Variants in RGS12 observed in about 807,000 individuals in gnomAD.
RGS12 encodes regulator of G protein signaling 12.
A neutral mutation model predicts 120.1 loss-of-function variants in RGS12; 66 were observed. That is an observed-to-expected ratio of 0.55 (90% CI 0.45 to 0.67). RGS12 has a LOEUF of 0.67. Ranked by LOEUF, RGS12 falls within the 30% of genes least tolerant of loss-of-function variation. The pLI, the probability that RGS12 is intolerant of heterozygous loss-of-function variation, is 0.00. For missense variants in RGS12, 1,859 were observed against 1,957.7 expected (o/e 0.95, Z 0.95); for synonymous variants, 827 against 804.7 (o/e 1.03, Z -0.47).
rs917005366 is a variant in RGS12 at position 3,356,967 on chromosome 4, G to A, written c.1998+13914G>A. Among the ~76,000 whole-genome samples, 45 of 152,100 alleles carry A rather than the reference G, an allele frequency of 3.0e-4. 1 individual carries two copies. Among genetic ancestry groups the A allele is most frequent in the Non-Finnish European group, 4.7e-4 (32 of 68,018 alleles). ...TATTTTTAATTTTTGAGGAACCACC[G>A]TACTGTTTTCCATAGTGGCTGCACC... On this transcript the variant is annotated intron_variant, in intron 3 of 17. Coordinates refer to ENST00000336727, the MANE Select transcript of RGS12 (RefSeq NM_001394154.1).
intron 3 of RGS12, chr4:3,369,874 G>A: frequency 3.2e-6 from 1 of 314,938 alleles, no homozygotes. Context: ...TGCATGTGGA[G>A]GCTTAGAATA....
chr4:3,323,123 C>T (rs918793760), intron 2 of RGS12, among the ~76,000 whole-genome samples: 2 of 152,220 alleles, frequency 1.3e-5, no homozygotes, highest in African/African-American at 2.4e-5. Flanking sequence ...CAGGGTGGCG[C>T]GTGCCCCTCG....
Position 3,425,536 on chromosome 4 carries a change from G to T in RGS12, c.3307G>T (p.Glu1103Ter). 1 of 1,611,020 alleles carries T rather than the reference G, an allele frequency of 6.2e-7. No homozygotes were observed. Among genetic ancestry groups the T allele is most frequent in the Non-Finnish European group, 8.5e-7 (1 of 1,179,452 alleles). Reference sequence around the variant, plus strand: ...GGACGGACAGCGGGTTGTCTTGGAGGAGAAGGATCCTTCCAGAGGAAAGGG... The same window carrying T: ...GGACGGACAGCGGGTTGTCTTGGAGTAGAAGGATCCTTCCAGAGGAAAGGG... Reference protein sequence around the residue: ...SLDGQRVVLEEKDPSRGKASA... With the variant: ...SLDGQRVVLE Residue 1103 changes from glutamate to a stop codon, truncating the protein, a stop_gained, in exon 14 of 18, where the codon GAG becomes TAG. Transcript: ENST00000336727. LOFTEE classifies it high-confidence loss of function.
chr4:3,375,018 G>A (rs1027205200), intron 3 of RGS12, among the ~76,000 whole-genome samples: 8 of 152,172 alleles, frequency 5.3e-5, no homozygotes, highest in South Asian at 2.1e-4. Flanking sequence ...GCCATGCACC[G>A]CCTGTCCCTG....
chr4:3,317,786 C>A lies in RGS12; in HGVS notation c.1616C>A (p.Pro539Gln), dbSNP rs760422329. The change falls in exon 2 of 18, where the codon CCG becomes CAG. Residue 539 changes from proline to glutamine, a missense_variant. Coordinates refer to ENST00000336727, the MANE Select transcript of RGS12 (RefSeq NM_001394154.1). Reference protein sequence around the residue: ...AGCGFNQRWLPVHVLREWQCG... With the variant: ...AGCGFNQRWLQVHVLREWQCG... ...TGTGGTTTCAACCAGCGCTGGCTCC[C>A]GGTCCACGTGCTCCGGGAGTGGCAG... is the stretch of plus-strand genomic sequence containing the variant. 1 of 1,613,306 alleles carries A rather than the reference C, an allele frequency of 6.2e-7. No homozygotes were observed. Among genetic ancestry groups the A allele is most frequent in the Non-Finnish European group, 8.5e-7 (1 of 1,179,936 alleles).
chr4:3,425,655 G>A lies in RGS12; in HGVS notation c.3331+95G>A, dbSNP rs1723543696. On this transcript the variant is annotated intron_variant, in intron 14 of 17. Transcript: ENST00000336727. The stretch of plus-strand genomic sequence containing the variant: ...CCGGTGCAGGGGAGGGGGTGAGTGG[G>A]GCCAGTGCAGGGGAGGGGCAGGTGG... The A allele has an allele frequency of 1.2e-5, 7 of 596,978 alleles. No homozygotes were observed. In the South Asian group the frequency reaches 1.3e-4, roughly 11 times the overall value. The allele number at this position is 596,978 out of a possible 1,614,324, so 37.0% of individuals were successfully genotyped here. A position where few individuals can be genotyped will look rare whatever the true frequency, so the allele number is the denominator to read the frequency against.
At position 3,407,938 on chromosome 4, in the gene RGS12, C is replaced by T. The variant is rs556560751; in HGVS notation, c.2021-6134C>T. On this transcript the variant is annotated intron_variant, in intron 4 of 17. Coordinates refer to ENST00000336727, the MANE Select transcript of RGS12 (RefSeq NM_001394154.1). ...TAAACAGACTTTAAACTCTTTTTCACCAGGAAAGCATTTCTTTGACTCAGA... is the reference window on the plus strand; with the variant it reads ...TAAACAGACTTTAAACTCTTTTTCATCAGGAAAGCATTTCTTTGACTCAGA... Among the ~76,000 whole-genome samples, 4 of 152,318 alleles carry T rather than the reference C, an allele frequency of 2.6e-5. No homozygotes were observed. The East Asian group carries it at 7.7e-4, about 29-fold the overall frequency.
At chr4:3,295,164 G>A (rs896819276) in intron 1 of RGS12, among the ~76,000 whole-genome samples, 1 of 152,170 alleles carries the variant, frequency 6.6e-6, no homozygotes, top group South Asian at 2.1e-4. Context: ...AGGGCCCAGA[G>A]GTGACAGCTG....
At chr4:3,329,500 AACCAAGTG>A (rs1711583032) in intron 2 of RGS12, among the ~76,000 whole-genome samples, 1 of 152,134 alleles carries the variant, frequency 6.6e-6, no homozygotes, top group Admixed American at 6.5e-5. Context: ...CACAGGACCA[AACCAAGTG>A]ACACCTGAGA....
intron 3 of RGS12, among the ~76,000 whole-genome samples, chr4:3,344,881 G>A (rs1432754846): frequency 6.6e-6 from 1 of 152,200 alleles, no homozygotes; most frequent in South Asian, 2.1e-4. Flanking sequence ...GGCCCTGCTC[G>A]CTGCTGGCTG....
chr4:3,318,163 C>T (rs144127592), intron 2 of RGS12, 112 bp downstream of exon 2: 2 of 949,118 alleles, frequency 2.1e-6, no homozygotes, highest in Non-Finnish European at 3.1e-6. Context: ...TCCTGCTGGC[C>T]CTGTGGCCTC....
At chr4:3,378,064 A>G (rs1717881475) in intron 3 of RGS12, 1 of 152,210 alleles carries the variant, frequency 6.6e-6, no homozygotes, top group East Asian at 1.9e-4. Context: ...TTTGGGAAGA[A>G]TCCAAGAAGT....
At chr4:3,386,501 G>C in intron 4 of RGS12, 64 bp downstream of exon 4, 1 of 1,443,478 alleles carries the variant, frequency 6.9e-7, no homozygotes, top group East Asian at 2.3e-5. Flanking sequence ...TTGTGAAAGT[G>C]TATTTGCCAT....
chr4:3,359,779 T>G (rs140268703), intron 3 of RGS12, among the ~76,000 whole-genome samples: 2,012 of 151,934 alleles, frequency 0.013, 39 homozygotes, highest in African/African-American at 0.043. Flanking sequence ...TGTGCCACCA[T>G]GCCTGGCTAA....
the RGS12 span, among the ~76,000 whole-genome samples, chr4:3,287,277 A>C: frequency 6.6e-6 from 1 of 152,006 alleles, no homozygotes; most frequent in Non-Finnish European, 1.5e-5. Context: ...ATGCTTTCTG[A>C]TTTATTTCAC....
intron 16 of RGS12, among the ~76,000 whole-genome samples, chr4:3,430,046 C>A (rs927502248): frequency 6.6e-6 from 1 of 152,154 alleles, no homozygotes. Flanking sequence ...CTCAGAGGGC[C>A]CCAAGTGTTA....
chr4:3,347,468 C>T (rs1578786368), intron 3 of RGS12, among the ~76,000 whole-genome samples: 2 of 152,112 alleles, frequency 1.3e-5, no homozygotes, highest in South Asian at 4.1e-4. Context: ...AGAAAACATC[C>T]TTAGATCTGG....
chr4:3,331,373 G>C (rs1209953061), intron 2 of RGS12, among the ~76,000 whole-genome samples: 2 of 152,204 alleles, frequency 1.3e-5, no homozygotes, highest in Non-Finnish European at 2.9e-5. Context: ...AACTTCTTAT[G>C]ATGGGAATAT....
chr4:3,309,973 G>A (rs1488802495), intron 1 of RGS12, among the ~76,000 whole-genome samples: 1 of 148,062 alleles, frequency 6.8e-6, no homozygotes, highest in South Asian at 2.2e-4. Context: ...GAGGAGCTGG[G>A]ACCCGGGAAT....
Sources: allele counts gnomAD v4.1 joint callset (sites outside exome capture counted in the v4.1 genomes callset), GRCh38; gene constraint gnomAD v4.1.1; transcripts MANE v1.5; gene names NCBI Gene and HGNC (gene_info 2026-07-23, HGNC 2026-07-21).